The following DYSF variants were observed in gnomAD, a reference collection of about 807,000 sequenced individuals.
DYSF encodes dysferlin, also known as dystrophy-associated fer-1-like 1.
DYSF carries 212 observed loss-of-function variants against 274.9 expected under a neutral mutation model. The observed-to-expected ratio is 0.77, with a 90% confidence interval of 0.69 to 0.86. The LOEUF (loss-of-function observed/expected upper bound fraction) is 0.86. Ranked by LOEUF, DYSF falls within the 40% of genes least tolerant of loss-of-function variation. The pLI is 0.00. For missense variants in DYSF, 2,666 were observed against 2,783.2 expected (o/e 0.96, Z 0.95); for synonymous variants, 1,091 against 1,078.7 (o/e 1.01, Z -0.22).
Position 71,569,816 on chromosome 2 carries a change from A to G in DYSF, c.2865-4A>G, listed in dbSNP as rs1230953529. On this transcript the variant is annotated splice_region_variant and splice_polypyrimidine_tract_variant and intron_variant, in intron 26 of 55. Transcript: ENST00000410020. ...CAGAGACTCTGACCAGCCCTCCTCC[A>G]CAGTCTGCTCCATGACATGGACGCC... 1 of 1,613,158 alleles carries G rather than the reference A, an allele frequency of 6.2e-7. No individual in the cohort carries two copies. The highest frequency in any genetic ancestry group is 8.5e-7 in the Non-Finnish European group (1 of 1,179,502).
chr2:71,637,644 A>G (rs1046818670), intron 41 of DYSF, among the ~76,000 whole-genome samples: 30 of 152,136 alleles, frequency 2.0e-4, no homozygotes, highest in African/African-American at 7.2e-4. Context: ...TCCTTCAGCC[A>G]CATTTGGTTG....
chr2:71,465,053 T>C (rs887313753), upstream of DYSF, among the ~76,000 whole-genome samples: 5 of 151,904 alleles, frequency 3.3e-5, no homozygotes, highest in Non-Finnish European at 7.4e-5. Context: ...CAAAGGGCAT[T>C]GTTGTGAAAA....
At chr2:71,563,868 C>T (rs535273718) in intron 23 of DYSF, among the ~76,000 whole-genome samples, 190 bp from the exon 24 acceptor site, 6 of 152,336 alleles carry the variant, frequency 3.9e-5, no homozygotes, top group South Asian at 2.1e-4. Flanking sequence ...GGGGGCTCAC[C>T]GCCACTCAAG....
Position 71,471,691 on chromosome 2 carries a change from C to T in DYSF, c.91+4758C>T, listed in dbSNP as rs192287852. On this transcript the variant is annotated intron_variant, in intron 1 of 55. Coordinates refer to ENST00000410020, the MANE Select transcript of DYSF (RefSeq NM_001130987.2). ...TTTGCTGAAAAATAAACCAGGGGGC[C>T]GGGTGTGGTGGCTCACGCCTGTAAT... 2.5e-3 allele frequency among the ~76,000 whole-genome samples: 383 copies of T among 152,118 alleles called. 1 individual carries two copies. The highest frequency in any genetic ancestry group is 8.6e-3 in the African/African-American group (356 of 41,496).
At chr2:71,593,926 T>C (rs2093340995) in intron 32 of DYSF, among the ~76,000 whole-genome samples, 1 of 152,188 alleles carries the variant, frequency 6.6e-6, no homozygotes, top group East Asian at 1.9e-4. Context: ...CAATGAGAGA[T>C]GGCTGATAGA....
At chr2:71,563,933 T>G (rs1403729065) in intron 23 of DYSF, 125 bp from the exon 24 acceptor site, 16 of 1,359,384 alleles carry the variant, frequency 1.2e-5, no homozygotes, top group Non-Finnish European at 1.6e-5. Flanking sequence ...GGACAGTGTG[T>G]GGGATGGAAG....
chr2:71,565,700 G>C (rs572437155), intron 24 of DYSF, among the ~76,000 whole-genome samples: 3 of 152,354 alleles, frequency 2.0e-5, no homozygotes, highest in East Asian at 3.9e-4. Flanking sequence ...GCCAGGGCTG[G>C]TTGGAGCTCT....
intron 55 of DYSF, 75 bp downstream of exon 55, chr2:71,682,752 C>T (rs1307318093): frequency 6.5e-7 from 1 of 1,546,874 alleles, no homozygotes; most frequent in South Asian, 1.2e-5. Context: ...CCTCAAAGAG[C>T]TCTCCCAGTC....
intron 47 of DYSF, 61 bp downstream of exon 47, chr2:71,665,365 C>G (rs1163438881): frequency 1.1e-5 from 17 of 1,608,754 alleles, no homozygotes; most frequent in Non-Finnish European, 1.4e-5. Flanking sequence ...CCTCTCTCAT[C>G]AGACCCTCTG....
At chr2:71,654,849 T>C (rs1357006012) in intron 42 of DYSF, among the ~76,000 whole-genome samples, 1 of 151,998 alleles carries the variant, frequency 6.6e-6, no homozygotes, top group East Asian at 1.9e-4. Flanking sequence ...GAGGATGAAG[T>C]GGGAGGATTG....
intron 3 of DYSF, among the ~76,000 whole-genome samples, chr2:71,497,607 T>C (rs535781801): frequency 8.5e-4 from 130 of 152,112 alleles, no homozygotes; most frequent in African/African-American, 3.0e-3. Flanking sequence ...CAGTCTCAGG[T>C]ATATCTTCAT....
rs753010215 is a variant in DYSF at position 71,539,214 on chromosome 2, C to G, written c.1551C>G (p.Ile517Met). 1 of 1,614,142 alleles carries G rather than the reference C, an allele frequency of 6.2e-7. No individual in the cohort carries two copies. The highest frequency in any genetic ancestry group is 8.5e-7 in the Non-Finnish European group (1 of 1,180,018). The change falls in exon 17 of 56, where the codon ATC becomes ATG. Residue 517 changes from isoleucine (I) to methionine (M), a missense_variant. Physicochemically the swap from Ile to Met is conservative, Grantham distance 10. Transcript: ENST00000410020. Reference protein sequence around the residue: ...VATTYLSMSKISAPGGEIEVD... With the variant: ...VATTYLSMSKMSAPGGEIEVD... Reference sequence around the variant, plus strand: ...CCACCTACCTGAGTATGTCGAAAATCTCTGCCCCTGGAGGAGAAATAGAAG... The same window carrying G: ...CCACCTACCTGAGTATGTCGAAAATGTCTGCCCCTGGAGGAGAAATAGAAG...
chr2:71,545,169 G>A (rs536426858), intron 17 of DYSF, among the ~76,000 whole-genome samples: 1 of 152,308 alleles, frequency 6.6e-6, no homozygotes, highest in East Asian at 1.9e-4. Context: ...TCCAGGCAGA[G>A]GTGATGACAT....
At chr2:71,602,912 C>A in intron 36 of DYSF, 107 bp downstream of exon 36, 1 of 1,338,180 alleles carries the variant, frequency 7.5e-7, no homozygotes, top group Non-Finnish European at 1.0e-6. Flanking sequence ...GCCCAGCAGG[C>A]ATCTGTCACA....
intron 5 of DYSF, among the ~76,000 whole-genome samples, chr2:71,512,697 T>A (rs1462815958): frequency 1.3e-5 from 2 of 151,486 alleles, no homozygotes; most frequent in African/African-American, 4.9e-5. Flanking sequence ...GATTCTAGAG[T>A]TTTTCTCTTA....
Position 71,535,276 on chromosome 2 carries a change from C to T in DYSF, c.1458C>T (p.Ser486=), listed in dbSNP as rs200803090. The T allele has an allele frequency of 1.2e-5, 20 of 1,613,950 alleles. No individual in the cohort carries two copies. The highest frequency in any genetic ancestry group is 3.3e-4 in the Middle Eastern group (2 of 6,084). The part of the protein sequence containing the change: ...QNITLPAMFP[S]MCEKMRIRII... ...CTCTATTCCTTCCTCAGTTTCCCTC[C>T]ATGTGCGAAAAAATGAGGATTCGTA... Residue 486 remains serine (S), a synonymous_variant, in exon 16 of 56, where the codon TCC becomes TCT. Coordinates refer to ENST00000410020, the MANE Select transcript of DYSF (RefSeq NM_001130987.2).
At chr2:71,684,530 C>T (rs2095333540) in intron 55 of DYSF, among the ~76,000 whole-genome samples, 1 of 152,164 alleles carries the variant, frequency 6.6e-6, no homozygotes, top group South Asian at 2.1e-4. Context: ...GCTCACTTCC[C>T]TGGGGAGACA....
intron 3 of DYSF, among the ~76,000 whole-genome samples, chr2:71,483,060 T>C (rs1398856002): frequency 1.3e-5 from 2 of 151,754 alleles, no homozygotes; most frequent in Non-Finnish European, 2.9e-5. Flanking sequence ...ACCTGGAAAA[T>C]TTGAAATGTT....
chr2:71,504,759 C>T (rs1164247479), intron 4 of DYSF, among the ~76,000 whole-genome samples: 3 of 152,230 alleles, frequency 2.0e-5, no homozygotes, highest in Non-Finnish European at 4.4e-5. Flanking sequence ...CCCTTCCAAC[C>T]TCAAAGGCCT....
Sources: allele counts gnomAD v4.1 joint callset (sites outside exome capture counted in the v4.1 genomes callset), GRCh38; gene constraint gnomAD v4.1.1; transcripts MANE v1.5; gene names NCBI Gene and HGNC (gene_info 2026-07-23, HGNC 2026-07-21).